Variants in BROX observed in about 807,000 individuals in gnomAD.
BROX encodes BRO1 domain-containing protein BROX.
A neutral mutation model predicts 61.0 loss-of-function variants in BROX; 53 were observed. The observed-to-expected ratio is 0.87, with a 90% CI of 0.70 to 1.09. The LOEUF is 1.09. Among genes scored for constraint, BROX ranks in the 50% least tolerant of loss-of-function variants. The probability of loss-of-function intolerance (pLI) is 0.00; values close to 1 mark genes in which losing one functional copy is unlikely to be tolerated. For missense variants in BROX, 489 were observed against 472.0 expected (o/e 1.04, Z -0.33); for synonymous variants, 152 against 160.2 (o/e 0.95, Z 0.38).
chr1:222,730,405 G>A (rs773531363), intron 11 of BROX, among the ~76,000 whole-genome samples: 1 of 152,042 alleles, frequency 6.6e-6, no homozygotes, highest in Non-Finnish European at 1.5e-5. Flanking sequence ...AGACCAGCCT[G>A]GGCAACATGG....
intron 1 of BROX, chr1:222,715,305 G>C (rs2124992582): frequency 6.6e-6 from 1 of 152,646 alleles, no homozygotes; most frequent in Non-Finnish European, 1.5e-5. Context: ...AAACATTACT[G>C]CTCCTATATA....
At chr1:222,719,071 G>A (rs767260851) in intron 3 of BROX, 40 bp downstream of exon 3, 1 of 1,521,062 alleles carries the variant, frequency 6.6e-7, no homozygotes, top group Non-Finnish European at 9.0e-7. Flanking sequence ...TTAAAAAACT[G>A]TCTAAAAGTT....
At position 222,729,756 on chromosome 1, in the gene BROX, A is replaced by C. The variant is rs1175247150; in HGVS notation, c.838+55A>C. The C allele has an allele frequency of 2.7e-6, 4 of 1,494,972 alleles. No homozygotes were observed. In the African/African-American group the frequency reaches 4.2e-5, roughly 16 times the overall value. 92.6% of individuals were successfully genotyped at this position (1,494,972 alleles called of 1,614,324 possible). On this transcript the variant is annotated intron_variant, in intron 10 of 12. Transcript: ENST00000340934. ...CCTTTAAAAAACAAATGACTTTATC[A>C]TAAAAGGGAATATATGCTTAAAGAG... is the stretch of plus-strand genomic sequence containing the variant.
chr1:222,729,891 CAGTA>C lies in BROX; in HGVS notation c.839-135_839-132del, dbSNP rs1657809255. 5.0e-6 allele frequency: 5 copies of C among 1,007,436 alleles called. No homozygotes were observed. The East Asian group carries it at 1.2e-4, about 25-fold the overall frequency. 62.4% of individuals were successfully genotyped at this position (1,007,436 alleles called of 1,614,324 possible). A position where few individuals can be genotyped will look rare whatever the true frequency, so the allele number is the denominator to read the frequency against. The stretch of plus-strand genomic sequence containing the variant: ...GTAGAAAATACACACCTTCTACTTA[CAGTA>C]TTATTATTGGTATTGCTATTATATT... On this transcript the variant is annotated intron_variant, in intron 10 of 12. Coordinates refer to ENST00000340934, the MANE Select transcript of BROX (RefSeq NM_144695.4).
At chr1:222,715,615 T>C (rs1314238081) in intron 1 of BROX, 69 bp from the exon 2 acceptor site, 3 of 609,970 alleles carry the variant, frequency 4.9e-6, no homozygotes, top group Non-Finnish European at 5.0e-6. Flanking sequence ...TAAATTGTTA[T>C]GCTATTTACC....
At position 222,712,588 on chromosome 1, in the gene BROX, A is replaced by C. The variant is rs1236721656; in HGVS notation, c.-371A>C. On this transcript the variant is annotated 5_prime_UTR_variant, in exon 1 of 13. Coordinates refer to ENST00000340934, the MANE Select transcript of BROX (RefSeq NM_144695.4). ...CACTGCGCCGAGGGCCGCCATCGCT[A>C]TTGCGGCATTCTCCCTCGGCTCCGG... is the stretch of plus-strand genomic sequence containing the variant. The C allele has an allele frequency of 2.9e-6, 4 of 1,366,518 alleles. No homozygotes were observed. The Admixed American group carries it at 8.1e-5, about 28-fold the overall frequency. The allele number at this position is 1,366,518 out of a possible 1,614,324, so 84.6% of individuals were successfully genotyped here.
chr1:222,712,823 T>G lies in BROX; in HGVS notation c.-136T>G. 1 of 1,288,570 alleles carries G rather than the reference T, an allele frequency of 7.8e-7. No homozygotes were observed. Among genetic ancestry groups the G allele is most frequent in the South Asian group, 1.2e-5 (1 of 80,844 alleles). 79.8% of individuals were successfully genotyped at this position (1,288,570 alleles called of 1,614,324 possible). The stretch of plus-strand genomic sequence containing the variant: ...GACTCCGGCTTGGCGCCGTCCTGGT[T>G]TTCCGTCACCCTGGTTCTGTAGTCT... On this transcript the variant is annotated 5_prime_UTR_variant, in exon 1 of 13. Coordinates refer to ENST00000340934, the MANE Select transcript of BROX (RefSeq NM_144695.4).
chr1:222,719,743 A>G (rs1380050276), intron 4 of BROX, among the ~76,000 whole-genome samples: 1 of 152,164 alleles, frequency 6.6e-6, no homozygotes, highest in Non-Finnish European at 1.5e-5. Context: ...CATGTCTTCC[A>G]TTAGTCTTTG....
intron 1 of BROX, chr1:222,713,323 C>T: frequency 2.0e-6 from 2 of 985,738 alleles, no homozygotes; most frequent in African/African-American, 1.7e-5. Flanking sequence ...TGCGCACGGT[C>T]GCCGCCCGCT....
At chr1:222,728,620 T>G (rs1657694950) in intron 8 of BROX, 123 bp from the exon 9 acceptor site, 2 of 538,678 alleles carry the variant, frequency 3.7e-6, no homozygotes, top group South Asian at 8.5e-5. Flanking sequence ...AAAAAAAAAT[T>G]AAATTCTTGA....
Position 222,734,545 on chromosome 1 carries a change from AT to A in BROX, c.*1833del, listed in dbSNP as rs1239376312. The A allele has an allele frequency of 3.9e-5, 6 of 152,208 alleles. No homozygotes were observed. The East Asian group carries it at 1.2e-3, about 29-fold the overall frequency. The allele number at this position is 152,208 out of a possible 1,614,324, so 9.4% of individuals were successfully genotyped here. Reference sequence around the variant, plus strand: ...ATACTGCTTGCAGTATAATATTGATATTGGAAGCTGCAGTTTCCAGAATAAG... The same window carrying A: ...ATACTGCTTGCAGTATAATATTGATATGGAAGCTGCAGTTTCCAGAATAAG... On this transcript the variant is annotated 3_prime_UTR_variant, in exon 13 of 13. Coordinates refer to ENST00000340934, the MANE Select transcript of BROX (RefSeq NM_144695.4).
rs989531875 is a variant in BROX at position 222,712,600 on chromosome 1, T to A, written c.-359T>A. On this transcript the variant is annotated 5_prime_UTR_variant, in exon 1 of 13. Coordinates refer to ENST00000340934, the MANE Select transcript of BROX (RefSeq NM_144695.4). ...GGCCGCCATCGCTATTGCGGCATTC[T>A]CCCTCGGCTCCGGAGGTAGGGGCAA... 7.4e-7 allele frequency: 1 copy of A among 1,344,836 alleles called. No homozygotes were observed. The highest frequency in any genetic ancestry group is 1.5e-5 in the African/African-American group (1 of 67,616). The allele number at this position is 1,344,836 out of a possible 1,614,324, so 83.3% of individuals were successfully genotyped here.
Position 222,728,898 on chromosome 1 carries a change from A to G in BROX, c.756+70A>G. The G allele has an allele frequency of 2.7e-6, 3 of 1,106,538 alleles. 1 individual carries two copies. The highest frequency in any genetic ancestry group is 1.5e-5 in the South Asian group (1 of 64,562). 68.5% of individuals were successfully genotyped at this position (1,106,538 alleles called of 1,614,324 possible). ...CAGCCCTTGGAGTGCCAGGTCTCTC[A>G]TCTCACCAGAGTCTTTCATTAGCAT... On this transcript the variant is annotated intron_variant, in intron 9 of 12. Transcript: ENST00000340934.
chr1:222,724,967 G>A (rs897215213), intron 6 of BROX, among the ~76,000 whole-genome samples: 26 of 152,098 alleles, frequency 1.7e-4, no homozygotes, highest in African/African-American at 5.8e-4. Context: ...CTAATTTTTT[G>A]TATTTTTAGT....
chr1:222,713,897 C>G (rs1218273509), intron 1 of BROX: 1 of 152,128 alleles, frequency 6.6e-6, no homozygotes, highest in Non-Finnish European at 1.5e-5. Flanking sequence ...CTCAGTTTTT[C>G]GTTGGGTACA....
Position 222,714,587 on chromosome 1 carries a change from T to TTTTTTCC in BROX, c.-16-1084_-16-1078dup, listed in dbSNP as rs1205863638. ...GTTCCAAGTTTTTGTTTTTTGTTTT[T>TTTTTTCC]TTTTTCCTTTTTCCTTTTTTGAGAT... On this transcript the variant is annotated intron_variant, in intron 1 of 12. Transcript: ENST00000340934. 1.3e-3 allele frequency among the ~76,000 whole-genome samples: 193 copies of TTTTTTCC among 151,498 alleles called. 4 individuals carry two copies. The South Asian group carries it at 0.017, about 13-fold the overall frequency.
rs753850904 is a variant in BROX at position 222,729,676 on chromosome 1, C to T, written c.813C>T (p.Ile271=). ...LLASDKCGEA[I]RSLQEAEKLY... ...CTAGTGATAAATGCGGTGAAGCAAT[C>T]AGGTCTCTCCAAGAAGCAGAAAAAT... The change falls in exon 10 of 13, where the codon ATC becomes ATT. Residue 271 remains isoleucine, a synonymous_variant. Coordinates refer to ENST00000340934, the MANE Select transcript of BROX (RefSeq NM_144695.4). The T allele has an allele frequency of 7.4e-6, 12 of 1,612,330 alleles. No homozygotes were observed. In the South Asian group the frequency reaches 1.3e-4, roughly 18 times the overall value.
intron 1 of BROX, 163 bp downstream of exon 1, chr1:222,713,105 T>C: frequency 9.8e-7 from 1 of 1,017,652 alleles, no homozygotes; most frequent in Non-Finnish European, 1.2e-6. Flanking sequence ...AGAAAGAAAA[T>C]CCATATTGGT....
At chr1:222,718,687 A>T (rs1656821699) in intron 2 of BROX, among the ~76,000 whole-genome samples, 1 of 152,174 alleles carries the variant, frequency 6.6e-6, no homozygotes, top group South Asian at 2.1e-4. Context: ...TACAACTTTT[A>T]AAACAGTTAT....
Sources: allele counts gnomAD v4.1 joint callset (sites outside exome capture counted in the v4.1 genomes callset), GRCh38; gene constraint gnomAD v4.1.1; transcripts MANE v1.5; gene names NCBI Gene and HGNC (gene_info 2026-07-23, HGNC 2026-07-21).